SH3D19: variants seen among roughly 807,000 people sequenced by gnomAD.
SH3D19 encodes SH3 domain containing 19.
SH3D19 carries 58 observed loss-of-function variants against 112.1 expected under a neutral mutation model. That is an observed-to-expected ratio of 0.52 (90% CI 0.42 to 0.64). The LOEUF (loss-of-function observed/expected upper bound fraction) is 0.64, where lower values mean the gene tolerates loss of function less well. Among genes scored for constraint, SH3D19 ranks in the 30% least tolerant of loss-of-function variants. The pLI is 0.00. For missense variants in SH3D19, 1,090 were observed against 1,263.4 expected, an observed-to-expected ratio of 0.86 and a Z score of 2.08; for synonymous variants, 391 against 448.5, an observed-to-expected ratio of 0.87 and a Z score of 1.62.
At chr4:151,138,914 G>A (rs551745818) in intron 13 of SH3D19, among the ~76,000 whole-genome samples, 1 of 152,120 alleles carries the variant, frequency 6.6e-6, no homozygotes, top group South Asian at 2.1e-4. Flanking sequence ...TGCAACCTCT[G>A]CCTCCCAGGT....
chr4:151,325,453 G>T lies in SH3D19; in HGVS notation c.-101C>A, dbSNP rs891406069. 1.0e-5 allele frequency: 5 copies of T among 491,144 alleles called. No homozygotes were observed. Among genetic ancestry groups the T allele is most frequent in the South Asian group, 2.0e-4 (2 of 9,912 alleles). 30.4% of individuals were successfully genotyped at this position (491,144 alleles called of 1,614,324 possible). On this transcript the variant is annotated 5_prime_UTR_variant, in exon 1 of 20. Coordinates refer to ENST00000604030, the MANE Select transcript of SH3D19 (RefSeq NM_001378122.1). ...GCCCCACGCCACCGCCCTCGGGCCGGGGGGAAGGCGGCTCCCGGAGAGGAG... is the reference window on the plus strand; with the variant it reads ...GCCCCACGCCACCGCCCTCGGGCCGTGGGGAAGGCGGCTCCCGGAGAGGAG...
intron 2 of SH3D19, among the ~76,000 whole-genome samples, chr4:151,208,080 T>C (rs1246818990): frequency 6.6e-6 from 1 of 152,220 alleles, no homozygotes; most frequent in Non-Finnish European, 1.5e-5. Flanking sequence ...CACGTCACTA[T>C]AAAGGCATTA....
chr4:151,126,712 T>C (rs979490988), intron 19 of SH3D19, among the ~76,000 whole-genome samples: 15 of 33,226 alleles, frequency 4.5e-4, no homozygotes, highest in African/African-American at 8.7e-4. Context: ...GGCAGGAGAA[T>C]GGCGTGAACC....
chr4:151,190,928 G>A (rs186696259), intron 2 of SH3D19, among the ~76,000 whole-genome samples: 80 of 152,300 alleles, frequency 5.3e-4, no homozygotes, highest in African/African-American at 1.9e-3. Flanking sequence ...GACACTCAAC[G>A]CCAGCCGTGA....
At chr4:151,146,042 G>C (rs1268371464) in intron 11 of SH3D19, among the ~76,000 whole-genome samples, 4 of 151,926 alleles carry the variant, frequency 2.6e-5, no homozygotes. Context: ...AACACCCCTG[G>C]GTTTTAGAAA....
chr4:151,188,153 C>T (rs904255555), intron 2 of SH3D19, among the ~76,000 whole-genome samples: 4 of 152,146 alleles, frequency 2.6e-5, no homozygotes, highest in Non-Finnish European at 1.5e-5. Context: ...CAATAAATTT[C>T]TGTTCATTAT....
chr4:151,279,183 C>G, intron 1 of SH3D19: 1 of 319,892 alleles, frequency 3.1e-6, no homozygotes, highest in Non-Finnish European at 6.0e-6. Flanking sequence ...GTATACAGGT[C>G]ACCAGCACAC....
intron 1 of SH3D19, among the ~76,000 whole-genome samples, chr4:151,235,349 T>C (rs1016879577): frequency 2.6e-5 from 4 of 152,218 alleles, no homozygotes; most frequent in Admixed American, 2.6e-4. Context: ...AGATATGCTA[T>C]AAGCAAGGCA....
In SH3D19 at chr4:151,139,656, T is replaced by G. The variant is rs889548286; in HGVS notation, c.2296+119A>C. 3 of 810,344 alleles carry G rather than the reference T, an allele frequency of 3.7e-6. No homozygotes were observed. The South Asian group carries it at 4.9e-5, about 13-fold the overall frequency. 50.2% of individuals were successfully genotyped at this position (810,344 alleles called of 1,614,324 possible). A position where few individuals can be genotyped will look rare whatever the true frequency, so the allele number is the denominator to read the frequency against. ...CCTGGATAAGATGACCTCTCCAGTC[T>G]CGGACTCTATAGGCACAGAAAAATG... On this transcript the variant is annotated intron_variant, in intron 13 of 19. Coordinates refer to ENST00000604030, the MANE Select transcript of SH3D19 (RefSeq NM_001378122.1).
chr4:151,153,209 A>G (rs1281554193), intron 9 of SH3D19, among the ~76,000 whole-genome samples: 1 of 151,952 alleles, frequency 6.6e-6, no homozygotes, highest in Non-Finnish European at 1.5e-5. Flanking sequence ...AGTGGCCTCC[A>G]TATGTTTCTT....
intron 11 of SH3D19, among the ~76,000 whole-genome samples, chr4:151,144,825 A>C (rs1298733199): frequency 6.6e-6 from 1 of 152,154 alleles, no homozygotes; most frequent in East Asian, 1.9e-4. Flanking sequence ...GTCTGATCTT[A>C]GAATGGTTTT....
intron 1 of SH3D19, among the ~76,000 whole-genome samples, chr4:151,297,394 G>C (rs1484890667): frequency 6.6e-6 from 1 of 152,168 alleles, no homozygotes; most frequent in East Asian, 1.9e-4. Context: ...ACATAGCCTT[G>C]TGCTATAATT....
At position 151,256,737 on chromosome 4, in the gene SH3D19, AATTATT is replaced by A. The variant is rs919188570; in HGVS notation, c.113-30657_113-30652del. On this transcript the variant is annotated intron_variant, in intron 1 of 19. Transcript: ENST00000604030. ...CTTGGCCTCTAGAAAGCTTCAAGTTAATTATTATTATTATTATTTTGATAGAGAGTC... is the reference window on the plus strand; with the variant it reads ...CTTGGCCTCTAGAAAGCTTCAAGTTAATTATTATTATTTTGATAGAGAGTC... 8.1e-5 allele frequency among the ~76,000 whole-genome samples: 8 copies of A among 98,240 alleles called. 1 individual carries two copies. In the South Asian group the frequency reaches 1.6e-3, roughly 19 times the overall value. The allele number at this position is 98,240 out of a possible 152,430, so 64.4% of individuals were successfully genotyped here. A position where few individuals can be genotyped will look rare whatever the true frequency, so the allele number is the denominator to read the frequency against.
chr4:151,123,466 G>A (rs1174941078), intron 19 of SH3D19, among the ~76,000 whole-genome samples: 3 of 152,032 alleles, frequency 2.0e-5, no homozygotes, highest in Non-Finnish European at 4.4e-5. Flanking sequence ...TATGGCCCCA[G>A]TATCTTTTGT....
chr4:151,217,990 T>C (rs890418988), intron 2 of SH3D19, among the ~76,000 whole-genome samples: 1 of 152,104 alleles, frequency 6.6e-6, no homozygotes. Flanking sequence ...CCCCATTTGT[T>C]CTAAATATTA....
At position 151,137,871 on chromosome 4, in the gene SH3D19, T is replaced by C; in HGVS notation, c.2297-9A>G. The C allele has an allele frequency of 6.3e-7, 1 of 1,586,894 alleles. No homozygotes were observed. The highest frequency in any genetic ancestry group is 8.5e-7 in the Non-Finnish European group (1 of 1,171,526). On this transcript the variant is annotated splice_polypyrimidine_tract_variant and intron_variant, in intron 13 of 19. Transcript: ENST00000604030. ...CAAATCATCAACTTGCTCTGTAATA[T>C]AAAATTATAGTTATGTATGATGAAT...
chr4:151,281,662 G>T lies in SH3D19; in HGVS notation c.112+43579C>A, dbSNP rs548888064. 2.8e-5 allele frequency among the ~76,000 whole-genome samples: 4 copies of T among 141,964 alleles called. No homozygotes were observed. The East Asian group carries it at 6.2e-4, about 22-fold the overall frequency. The allele number at this position is 141,964 out of a possible 152,430, so 93.1% of individuals were successfully genotyped here. ...TTTGAACTGAGGGTGGTGGGGCAGAGAACTTGTTATTTATTTATTTATTTA... is the reference window on the plus strand; with the variant it reads ...TTTGAACTGAGGGTGGTGGGGCAGATAACTTGTTATTTATTTATTTATTTA... On this transcript the variant is annotated intron_variant, in intron 1 of 19. Coordinates refer to ENST00000604030, the MANE Select transcript of SH3D19 (RefSeq NM_001378122.1).
At chr4:151,301,308 A>G (rs1401040071) in intron 1 of SH3D19, among the ~76,000 whole-genome samples, 7 of 151,932 alleles carry the variant, frequency 4.6e-5, no homozygotes, top group Admixed American at 3.3e-4. Context: ...GCTCACCACA[A>G]CCTCCACCTC....
chr4:151,224,123 C>T (rs1013642263), intron 2 of SH3D19, among the ~76,000 whole-genome samples: 4 of 152,170 alleles, frequency 2.6e-5, no homozygotes, highest in African/African-American at 9.7e-5. Flanking sequence ...CCCTGGCTAA[C>T]ATGGTGAAAC....
Sources: allele counts gnomAD v4.1 joint callset (sites outside exome capture counted in the v4.1 genomes callset), GRCh38; gene constraint gnomAD v4.1.1; transcripts MANE v1.5; gene names NCBI Gene and HGNC (gene_info 2026-07-23, HGNC 2026-07-21).